Variants in FHIP1A observed in about 807,000 individuals in gnomAD.
FHIP1A encodes the protein FHF complex subunit HOOK-interacting protein 1A.
Under a neutral mutation model 88.6 loss-of-function variants are expected in FHIP1A, and 61 were observed. The observed-to-expected ratio is 0.69, with a 90% CI of 0.56 to 0.85. FHIP1A has a LOEUF of 0.85. Ranked by LOEUF, FHIP1A falls within the 40% of genes least tolerant of loss-of-function variation. The pLI is 0.00. For missense variants in FHIP1A, 1,154 were observed against 1,273.5 expected (o/e 0.91, Z 1.43); for synonymous variants, 478 against 496.0 (o/e 0.96, Z 0.48).
At chr4:151,634,980 T>C (rs540677369) in intron 8 of FHIP1A, among the ~76,000 whole-genome samples, 4 of 151,942 alleles carry the variant, frequency 2.6e-5, no homozygotes, top group African/African-American at 7.2e-5. Context: ...GGAGAAAATA[T>C]TTATGAGTCA....
At chr4:151,453,576 ATAT>A (rs1728870120) in intron 1 of FHIP1A, among the ~76,000 whole-genome samples, 1 of 152,206 alleles carries the variant, frequency 6.6e-6, no homozygotes, top group African/African-American at 2.4e-5. Flanking sequence ...CAGGCATGAG[ATAT>A]TATAAATGCT....
At chr4:151,468,355 T>A (rs924813498) in intron 2 of FHIP1A, among the ~76,000 whole-genome samples, 6 of 151,052 alleles carry the variant, frequency 4.0e-5, no homozygotes, top group Non-Finnish European at 5.9e-5. Context: ...ACTTTGAGGC[T>A]GGAGCCCAAG....
intron 7 of FHIP1A, among the ~76,000 whole-genome samples, chr4:151,617,962 A>G (rs978546970): frequency 6.6e-6 from 1 of 152,222 alleles, no homozygotes; most frequent in Non-Finnish European, 1.5e-5. Flanking sequence ...GCACTGAAGC[A>G]TATGCTGACT....
chr4:151,556,853 T>C (rs949397209), intron 3 of FHIP1A, among the ~76,000 whole-genome samples: 2 of 152,202 alleles, frequency 1.3e-5, no homozygotes, highest in Admixed American at 6.5e-5. Context: ...GTTCTTGCAT[T>C]TGAAGACATA....
Position 151,586,755 on chromosome 4 carries a change from G to T in FHIP1A, c.847G>T (p.Val283Phe). 1 of 1,551,216 alleles carries T rather than the reference G, an allele frequency of 6.4e-7. No individual in the cohort carries two copies. Among genetic ancestry groups the T allele is most frequent in the Non-Finnish European group, 8.7e-7 (1 of 1,146,664 alleles). The change falls in exon 6 of 14, where the codon GTC becomes TTC. Residue 283 changes from valine (V) to phenylalanine (F), a missense_variant. Physicochemically the swap from Val to Phe is conservative, Grantham distance 50. Transcript: ENST00000435205. ...TGACTGGCTTCTACTTCCTTCTCTTGTCCAGTTCATGAACTCCCTGGAGTT... is the reference window on the plus strand; with the variant it reads ...TGACTGGCTTCTACTTCCTTCTCTTTTCCAGTTCATGAACTCCCTGGAGTT... ...KDDWLLLPSL[V>F]QFMNSLEFCN...
At chr4:151,659,930 G>A (rs563113032) in intron 13 of FHIP1A, among the ~76,000 whole-genome samples, 1 of 152,300 alleles carries the variant, frequency 6.6e-6, no homozygotes, top group South Asian at 2.1e-4. Context: ...CACTTGCCAT[G>A]CCTTTCTCTT....
At chr4:151,496,283 A>G (rs1406936659) in intron 3 of FHIP1A, among the ~76,000 whole-genome samples, 3 of 150,854 alleles carry the variant, frequency 2.0e-5, no homozygotes, top group Non-Finnish European at 4.4e-5. Flanking sequence ...TTTCTGTGGC[A>G]TTTGTTGTAG....
chr4:151,669,823 C>T lies in FHIP1A; in HGVS notation c.*7069C>T, dbSNP rs1262503315. 1 of 152,116 alleles carries T rather than the reference C, an allele frequency of 6.6e-6. No homozygotes were observed. Among genetic ancestry groups the T allele is most frequent in the Non-Finnish European group, 1.5e-5 (1 of 68,044 alleles). 9.4% of individuals were successfully genotyped at this position (152,116 alleles called of 1,614,324 possible). ...CCTCATGCCTGTCCAAAATGAACCA[C>T]GCAACTGGTTACCTTTCTCTGCCTA... is the stretch of plus-strand genomic sequence containing the variant. On this transcript the variant is annotated 3_prime_UTR_variant, in exon 14 of 14. Coordinates refer to ENST00000435205, the MANE Select transcript of FHIP1A (RefSeq NM_001109977.3).
At chr4:151,651,838 A>G (rs886556819) in intron 11 of FHIP1A, among the ~76,000 whole-genome samples, 3 of 152,202 alleles carry the variant, frequency 2.0e-5, no homozygotes, top group East Asian at 1.9e-4. Flanking sequence ...TAATTCCACA[A>G]TTAAAGGCTT....
intron 3 of FHIP1A, among the ~76,000 whole-genome samples, chr4:151,526,286 C>T (rs186977243): frequency 0.02 from 3,118 of 152,158 alleles, 52 homozygotes; most frequent in South Asian, 0.059. Context: ...ACCTCCCAGA[C>T]GGGGTGGTGG....
intron 3 of FHIP1A, among the ~76,000 whole-genome samples, chr4:151,543,295 T>C (rs79584388): frequency 0.015 from 2,335 of 152,282 alleles, 39 homozygotes; most frequent in East Asian, 0.096. Context: ...CCTTGTATGA[T>C]AAACATGCTG....
chr4:151,520,272 A>G (rs1455793280), intron 3 of FHIP1A, among the ~76,000 whole-genome samples: 1 of 152,164 alleles, frequency 6.6e-6, no homozygotes, highest in Non-Finnish European at 1.5e-5. Context: ...ATATCACTCC[A>G]TATGGATATC....
At chr4:151,594,662 C>T (rs1249641582) in intron 7 of FHIP1A, among the ~76,000 whole-genome samples, 5 of 151,680 alleles carry the variant, frequency 3.3e-5, no homozygotes, top group South Asian at 4.2e-4. Context: ...CTGCAAGCTC[C>T]GCCTCCTGGG....
At chr4:151,449,570 A>G (rs1728722906) in intron 1 of FHIP1A, among the ~76,000 whole-genome samples, 1 of 152,178 alleles carries the variant, frequency 6.6e-6, no homozygotes, top group South Asian at 2.1e-4. Flanking sequence ...ATTTTGTAAT[A>G]TGAAATACCT....
chr4:151,627,842 T>C (rs560952601), intron 7 of FHIP1A, among the ~76,000 whole-genome samples: 117 of 152,290 alleles, frequency 7.7e-4, no homozygotes, highest in African/African-American at 2.7e-3. Context: ...CACTAGATCT[T>C]TGGGGCTATC....
At chr4:151,492,362 T>G (rs942852372) in intron 3 of FHIP1A, among the ~76,000 whole-genome samples, 2 of 151,960 alleles carry the variant, frequency 1.3e-5, no homozygotes, top group Non-Finnish European at 2.9e-5. Flanking sequence ...GAGGCTGAGG[T>G]GGGTGGATCA....
intron 1 of FHIP1A, among the ~76,000 whole-genome samples, chr4:151,433,317 G>C (rs1411546996): frequency 6.6e-6 from 1 of 151,568 alleles, no homozygotes; most frequent in Non-Finnish European, 1.5e-5. Flanking sequence ...TGGGGCTAGA[G>C]AAAATGTGAT....
At chr4:151,645,052 A>G (rs1736739202) in intron 9 of FHIP1A, among the ~76,000 whole-genome samples, 1 of 152,246 alleles carries the variant, frequency 6.6e-6, no homozygotes, top group Non-Finnish European at 1.5e-5. Context: ...CTAAGCCAAG[A>G]ATCAGAACAG....
At chr4:151,600,444 G>A (rs1377413135) in intron 7 of FHIP1A, among the ~76,000 whole-genome samples, 1 of 152,236 alleles carries the variant, frequency 6.6e-6, no homozygotes, top group African/African-American at 2.4e-5. Context: ...CAGGGCCCCA[G>A]AAGGAATAGA....
Sources: gnomAD v4.1 joint callset for allele counts (sites outside exome capture counted in the v4.1 genomes callset) on GRCh38, gnomAD v4.1.1 for gene constraint, MANE v1.5 for transcripts, NCBI Gene and HGNC (gene_info 2026-07-23, HGNC 2026-07-21) for gene names.